FAR2: variants seen among roughly 807,000 people sequenced by gnomAD.
FAR2 encodes fatty acyl-CoA reductase 2.
FAR2 carries 19 observed loss-of-function variants against 56.0 expected under a neutral mutation model. The ratio of observed to expected loss-of-function variants is 0.34; its 90% CI spans 0.24 to 0.50. FAR2 has a LOEUF of 0.50. Ranked by LOEUF, FAR2 falls within the 20% of genes least tolerant of loss-of-function variation. The pLI, the probability that FAR2 is intolerant of heterozygous loss-of-function variation, is 0.98. For missense variants in FAR2, 508 were observed against 642.2 expected (o/e 0.79, Z 2.26); for synonymous variants, 219 against 218.8 (o/e 1.00, Z -0.01).
rs1466154489 is a variant in FAR2, at chr12:29,214,726, CAGG to C, written c.-38-55683_-38-55681del. ...ATCCCAGCTACTCAGGAGGCTGAGG[CAGG>C]AGAATGGCTTGAACCAGGGAGGTGG... On this transcript the variant is annotated intron_variant, in intron 1 of 11. Coordinates refer to ENST00000536681, the MANE Select transcript of FAR2 (RefSeq NM_001271783.2). 2.0e-5 allele frequency among the ~76,000 whole-genome samples: 3 copies of C among 151,980 alleles called. No individual in the cohort carries two copies. The East Asian group carries it at 5.8e-4, about 29-fold the overall frequency.
intron 1 of FAR2, among the ~76,000 whole-genome samples, chr12:29,215,028 A>C (rs1327982644): frequency 6.6e-6 from 1 of 152,114 alleles, no homozygotes; most frequent in African/African-American, 2.4e-5. Flanking sequence ...CAAGAGTATA[A>C]TATTCAAAGA....
chr12:29,242,620 G>A (rs1295188537), intron 1 of FAR2, among the ~76,000 whole-genome samples: 1 of 152,056 alleles, frequency 6.6e-6, no homozygotes, highest in Non-Finnish European at 1.5e-5. Flanking sequence ...CCTCAGTATC[G>A]CCTTAAACTC....
In FAR2 at chr12:29,328,607, C is replaced by G. The variant is rs564086615; in HGVS notation, c.1258-3993C>G. On this transcript the variant is annotated intron_variant, in intron 10 of 11. Transcript: ENST00000536681. ...GTCCTTTGTAGGGACATGGATGAAGCTGGAAACCATCATTCTCAGCAAACT... is the reference window on the plus strand; with the variant it reads ...GTCCTTTGTAGGGACATGGATGAAGGTGGAAACCATCATTCTCAGCAAACT... 9.2e-5 allele frequency among the ~76,000 whole-genome samples: 14 copies of G among 152,004 alleles called. No homozygotes were observed. In the East Asian group the frequency reaches 2.5e-3, roughly 27 times the overall value.
intron 2 of FAR2, among the ~76,000 whole-genome samples, chr12:29,286,086 CACAT>C (rs1205762380): frequency 6.6e-6 from 1 of 150,940 alleles, no homozygotes. Flanking sequence ...CACACACACA[CACAT>C]ACACACACAC....
intron 4 of FAR2, among the ~76,000 whole-genome samples, chr12:29,298,291 CTTG>C (rs1225611251): frequency 1.2e-5 from 1 of 86,500 alleles, no homozygotes; most frequent in Non-Finnish European, 2.1e-5. Context: ...CTAAGTTTAC[CTTG>C]TTTTTTTTTT....
intron 1 of FAR2, among the ~76,000 whole-genome samples, chr12:29,150,798 C>G (rs1178809739): frequency 3.3e-5 from 5 of 152,122 alleles, no homozygotes; most frequent in Non-Finnish European, 4.4e-5. Flanking sequence ...CTGCTTCTGC[C>G]CCTGCTGTAT....
intron 1 of FAR2, among the ~76,000 whole-genome samples, chr12:29,204,884 G>A (rs1401202339): frequency 6.6e-6 from 1 of 152,106 alleles, no homozygotes; most frequent in Non-Finnish European, 1.5e-5. Flanking sequence ...ACCCATTCAT[G>A]AGAACTTCAC....
chr12:29,277,932 CTTTTTTTTTTTT>C (rs59443228), intron 2 of FAR2: 1 of 115,490 alleles, frequency 8.7e-6, no homozygotes, highest in African/African-American at 3.2e-5. Flanking sequence ...TATTTTCTTT[CTTTTTTTTTTTT>C]TTTTTTTTGA....
intron 1 of FAR2, among the ~76,000 whole-genome samples, chr12:29,191,867 C>T (rs986914812): frequency 2.0e-4 from 30 of 152,182 alleles, no homozygotes; most frequent in African/African-American, 6.8e-4. Flanking sequence ...AAAATCTCAT[C>T]CACTCCTAGC....
At chr12:29,244,606 C>T (rs917132493) in intron 1 of FAR2, among the ~76,000 whole-genome samples, 6 of 152,148 alleles carry the variant, frequency 3.9e-5, no homozygotes, top group African/African-American at 1.4e-4. Context: ...TCCATTTCCT[C>T]GTTTATTCAT....
intron 1 of FAR2, among the ~76,000 whole-genome samples, chr12:29,158,980 A>G (rs1949755138): frequency 6.6e-6 from 1 of 152,166 alleles, no homozygotes; most frequent in Non-Finnish European, 1.5e-5. Flanking sequence ...TTTACTGAGT[A>G]CCTACTATGT....
intron 1 of FAR2, among the ~76,000 whole-genome samples, chr12:29,267,597 A>C (rs1948539629): frequency 6.6e-6 from 1 of 152,228 alleles, no homozygotes; most frequent in Non-Finnish European, 1.5e-5. Flanking sequence ...AGGCAAGGCA[A>C]GAATGTTTAA....
Position 29,333,881 on chromosome 12 carries a change from G to A in FAR2, c.*87G>A. 1.6e-6 allele frequency: 2 copies of A among 1,258,062 alleles called. No individual in the cohort carries two copies. Among genetic ancestry groups the A allele is most frequent in the South Asian group, 2.8e-5 (2 of 70,480 alleles). The allele number at this position is 1,258,062 out of a possible 1,614,324, so 77.9% of individuals were successfully genotyped here. A position where few individuals can be genotyped will look rare whatever the true frequency, so the allele number is the denominator to read the frequency against. On this transcript the variant is annotated 3_prime_UTR_variant, in exon 12 of 12. Coordinates refer to ENST00000536681, the MANE Select transcript of FAR2 (RefSeq NM_001271783.2). ...GATTCTCAAGATTAGAAAGTAACAAGGAATATGCCCAAACTGTCAAATGTC... is the reference window on the plus strand; with the variant it reads ...GATTCTCAAGATTAGAAAGTAACAAAGAATATGCCCAAACTGTCAAATGTC...
chr12:29,208,597 T>C (rs1255100157), intron 1 of FAR2, among the ~76,000 whole-genome samples: 1 of 152,202 alleles, frequency 6.6e-6, no homozygotes, highest in Non-Finnish European at 1.5e-5. Flanking sequence ...TTCTGCGTTA[T>C]TCAGGTATCA....
At chr12:29,255,765 C>G (rs1033810260) in intron 1 of FAR2, among the ~76,000 whole-genome samples, 5 of 152,190 alleles carry the variant, frequency 3.3e-5, no homozygotes, top group African/African-American at 1.2e-4. Context: ...GCTCGGATTA[C>G]AGGCATGCAC....
intron 4 of FAR2, among the ~76,000 whole-genome samples, chr12:29,297,649 T>C (rs1430940769): frequency 1.3e-5 from 2 of 152,228 alleles, no homozygotes; most frequent in African/African-American, 4.8e-5. Flanking sequence ...CCTTCATTTG[T>C]AAAATGGGCC....
chr12:29,192,573 T>G (rs1311208862), intron 1 of FAR2, among the ~76,000 whole-genome samples: 1 of 152,266 alleles, frequency 6.6e-6, no homozygotes, highest in Admixed American at 6.5e-5. Context: ...AACCTAGTTT[T>G]GGGTAACTCT....
At chr12:29,293,781 A>G (rs776219415) in intron 3 of FAR2, among the ~76,000 whole-genome samples, 3 of 152,194 alleles carry the variant, frequency 2.0e-5, no homozygotes, top group Non-Finnish European at 2.9e-5. Flanking sequence ...ATCATTGTCA[A>G]TAAATATTCT....
At chr12:29,333,121 C>A in intron 11 of FAR2, 1 of 331,752 alleles carries the variant, frequency 3.0e-6, no homozygotes, top group Non-Finnish European at 5.8e-6. Context: ...AGTCACTCCT[C>A]AATTTTTTCA....
Sources: allele counts gnomAD v4.1 joint callset (sites outside exome capture counted in the v4.1 genomes callset), GRCh38; gene constraint gnomAD v4.1.1; transcripts MANE v1.5; gene names NCBI Gene and HGNC (gene_info 2026-07-23, HGNC 2026-07-21).